The following SPARCL1 variants were observed in gnomAD, a reference collection of about 807,000 sequenced individuals.
The protein encoded by SPARCL1 is SPARC-like protein 1.
SPARCL1 carries 52 observed loss-of-function variants against 67.1 expected under a neutral mutation model. The ratio of observed to expected loss-of-function variants is 0.78; its 90% confidence interval spans 0.62 to 0.98. SPARCL1 has a LOEUF of 0.98. Ranked by LOEUF, SPARCL1 falls within the 50% of genes least tolerant of loss-of-function variation. The pLI is 0.00. For missense variants in SPARCL1, 717 were observed against 782.4 expected (o/e 0.92, Z 1.00); for synonymous variants, 226 against 267.8 (o/e 0.84, Z 1.52).
intron 8 of SPARCL1, 66 bp downstream of exon 8, chr4:87,482,358 C>CA: frequency 6.4e-7 from 1 of 1,554,138 alleles, no homozygotes; most frequent in Non-Finnish European, 8.8e-7. Flanking sequence ...GTAGCCCCCC[C>CA]ACCACGTCTT....
rs543466405 is a variant in SPARCL1, at chr4:87,484,645, G to A, written c.1532-2085C>T. Among the ~76,000 whole-genome samples the A allele has an allele frequency of 2.6e-5, 4 of 152,098 alleles. No individual in the cohort carries two copies. The South Asian group carries it at 8.3e-4, about 32-fold the overall frequency. On this transcript the variant is annotated intron_variant, in intron 7 of 10. Transcript: ENST00000282470. The stretch of plus-strand genomic sequence containing the variant: ...GTCAGTGGTAGCTTGATGGGGATAG[G>A]ATTGAATCTATAAATTACTTTGGGC...
intron 1 of SPARCL1, among the ~76,000 whole-genome samples, chr4:87,513,638 A>C (rs988439644): frequency 6.6e-6 from 1 of 152,078 alleles, no homozygotes; most frequent in African/African-American, 2.4e-5. Context: ...TGTCATCAGT[A>C]ATATCATTAG....
chr4:87,473,781 CAA>C lies in SPARCL1; in HGVS notation c.1987_1988del (p.Leu663ValfsTer38), dbSNP rs776544077. The part of the protein sequence containing the change: ...IKEEDIDENL[L>X]F ...AGTTCTTTAAAATCTTCGTTCAAAA[CAA>C]GAGATTTTCATCTATGTCCTCTATA... On this transcript the variant is annotated frameshift_variant, in exon 11 of 11. Transcript: ENST00000282470. LOFTEE classifies it high-confidence loss of function. 3.1e-6 allele frequency: 5 copies of C among 1,608,924 alleles called. No individual in the cohort carries two copies. The African/African-American group carries it at 5.4e-5, about 17-fold the overall frequency.
chr4:87,494,093 T>C lies in SPARCL1; in HGVS notation c.707A>G (p.Asp236Gly). The part of the protein sequence containing the change: ...REHANSKQEE[D>G]NTQSDDILEE... Reference sequence around the variant, plus strand: ...CAAAATATCATCAGATTGGGTATTGTCTTCCTCCTGCTTGCTGTTAGCATG... The same window carrying C: ...CAAAATATCATCAGATTGGGTATTGCCTTCCTCCTGCTTGCTGTTAGCATG... Residue 236 changes from aspartate (D) to glycine (G), a missense_variant, in exon 4 of 11, where the codon GAC becomes GGC. By Grantham distance (94) the Asp-to-Gly change is moderately conservative. Coordinates refer to ENST00000282470, the MANE Select transcript of SPARCL1 (RefSeq NM_004684.6). 2 of 1,614,002 alleles carry C rather than the reference T, an allele frequency of 1.2e-6. No homozygotes were observed. Among genetic ancestry groups the C allele is most frequent in the South Asian group, 1.1e-5 (1 of 91,078 alleles).
At position 87,479,659 on chromosome 4, in the gene SPARCL1, T is replaced by G. The variant is rs145460552; in HGVS notation, c.1818-81A>C. On this transcript the variant is annotated intron_variant, in intron 9 of 10. Transcript: ENST00000282470. ...ACTCTCAGGCTCACCAAGGACATTT[T>G]TCTCCCATAAGGTTGCTGTATATGT... is the stretch of plus-strand genomic sequence containing the variant. 1,363 of 1,399,950 alleles carry G rather than the reference T, an allele frequency of 9.7e-4. 14 individuals are homozygous for G. In the South Asian group the frequency reaches 0.011, roughly 11 times the overall value. The allele number at this position is 1,399,950 out of a possible 1,614,324, so 86.7% of individuals were successfully genotyped here.
At position 87,494,167 on chromosome 4, in the gene SPARCL1, A is replaced by G. The variant is rs1724502298; in HGVS notation, c.633T>C (p.Val211=). Reference sequence around the variant, plus strand: ...TTTCTTGGTTATCATTGTGGGTACCAACTTCACCTGGCTCTTTTTCTTCTT... The same window carrying G: ...TTTCTTGGTTATCATTGTGGGTACCGACTTCACCTGGCTCTTTTTCTTCTT... ...EEEEEKEPGE[V]GTHNDNQERK... The change falls in exon 4 of 11, where the codon GTT becomes GTC. Residue 211 remains valine (V), a synonymous_variant. Coordinates refer to ENST00000282470, the MANE Select transcript of SPARCL1 (RefSeq NM_004684.6). 6.2e-7 allele frequency: 1 copy of G among 1,613,876 alleles called. No homozygotes were observed. Among genetic ancestry groups the G allele is most frequent in the Non-Finnish European group, 8.5e-7 (1 of 1,180,000 alleles).
chr4:87,499,605 T>C lies in SPARCL1; in HGVS notation c.-11-20A>G. The C allele has an allele frequency of 6.4e-7, 1 of 1,567,818 alleles. No homozygotes were observed. Among genetic ancestry groups the C allele is most frequent in the Non-Finnish European group, 8.6e-7 (1 of 1,158,400 alleles). Reference sequence around the variant, plus strand: ...CCAGATCTGTGAACCAAGAAGATAATTATCAGTGGCAGGGAAAAGTTTCCT... The same window carrying C: ...CCAGATCTGTGAACCAAGAAGATAACTATCAGTGGCAGGGAAAAGTTTCCT... On this transcript the variant is annotated intron_variant, in intron 1 of 10. Transcript: ENST00000282470.
intron 8 of SPARCL1, among the ~76,000 whole-genome samples, chr4:87,480,790 C>T (rs1723788693): frequency 1.4e-5 from 2 of 147,620 alleles, no homozygotes; most frequent in South Asian, 4.3e-4. Flanking sequence ...TATGTTTTGC[C>T]TCTTTCTTTT....
intron 2 of SPARCL1, among the ~76,000 whole-genome samples, chr4:87,498,860 G>A (rs1578104998): frequency 6.9e-6 from 1 of 145,834 alleles, no homozygotes; most frequent in East Asian, 2.0e-4. Context: ...GCTGGAGACC[G>A]TGGATATGCA....
rs1344756385 is a variant in SPARCL1, at chr4:87,490,816, G to T, written c.1354C>A (p.Pro452Thr). The change falls in exon 6 of 11, where the codon CCT becomes ACT. Residue 452 changes from proline (P) to threonine (T), a missense_variant. By Grantham distance (38) the Pro-to-Thr change is conservative (BLOSUM62 -1). Transcript: ENST00000282470. ...ACTGGATCCTGGCAGACACAGTGAG[G>T]TTTTCCCTGTTGGTCTGCCTTACAG... The part of the protein sequence containing the change: ...HICKADQQGK[P>T]HCVCQDPVTC... 1 of 1,612,912 alleles carries T rather than the reference G, an allele frequency of 6.2e-7. No individual in the cohort carries two copies. Among genetic ancestry groups the T allele is most frequent in the South Asian group, 1.1e-5 (1 of 90,760 alleles).
intron 1 of SPARCL1, among the ~76,000 whole-genome samples, chr4:87,518,483 C>A (rs765031533): frequency 9.2e-5 from 14 of 152,192 alleles, no homozygotes; most frequent in Non-Finnish European, 1.3e-4. Flanking sequence ...CTTTTGAAAT[C>A]AATGGCTTCA....
At chr4:87,497,489 T>C (rs1014735696) in intron 2 of SPARCL1, among the ~76,000 whole-genome samples, 5 of 152,258 alleles carry the variant, frequency 3.3e-5, no homozygotes, top group African/African-American at 1.2e-4. Flanking sequence ...TATTCTGCAA[T>C]TGAAATTATG....
chr4:87,528,806 TC>T (rs1726159345), intron 1 of SPARCL1, among the ~76,000 whole-genome samples: 1 of 152,194 alleles, frequency 6.6e-6, no homozygotes, highest in Admixed American at 6.5e-5. Context: ...TTCTTGGTCT[TC>T]ACTAAAATCA....
rs115604154 is a variant in SPARCL1 at position 87,499,389 on chromosome 4, G to C, written c.54+132C>G. The C allele has an allele frequency of 9.4e-3, 7,745 of 821,326 alleles. 62 individuals carry two copies. The highest frequency in any genetic ancestry group is 0.013 in the Non-Finnish European group (6,704 of 520,804). 50.9% of individuals were successfully genotyped at this position (821,326 alleles called of 1,614,324 possible). A position where few individuals can be genotyped will look rare whatever the true frequency, so the allele number is the denominator to read the frequency against. ...TTTCCAGTTATTTGTTTGTTACTTGGGCAATAAAGAATATAATTAAAATAA... is the reference window on the plus strand; with the variant it reads ...TTTCCAGTTATTTGTTTGTTACTTGCGCAATAAAGAATATAATTAAAATAA... On this transcript the variant is annotated intron_variant, in intron 2 of 10. Coordinates refer to ENST00000282470, the MANE Select transcript of SPARCL1 (RefSeq NM_004684.6).
At chr4:87,490,110 T>G (rs1401285166) in intron 7 of SPARCL1, among the ~76,000 whole-genome samples, 163 bp downstream of exon 7, 1 of 152,212 alleles carries the variant, frequency 6.6e-6, no homozygotes, top group Non-Finnish European at 1.5e-5. Context: ...TCTCCTACGG[T>G]TAAGGCCTGA....
rs574278651 is a variant in SPARCL1, at chr4:87,473,616, C to G, written c.*159G>C. 8.1e-3 allele frequency: 3,129 copies of G among 387,686 alleles called. 15 individuals carry two copies. The highest frequency in any genetic ancestry group is 0.012 in the Non-Finnish European group (2,521 of 211,604). 24.0% of individuals were successfully genotyped at this position (387,686 alleles called of 1,614,324 possible). A position where few individuals can be genotyped will look rare whatever the true frequency, so the allele number is the denominator to read the frequency against. ...TGTTTCCAAAGTTAATGTTAAATAC[C>G]TGGTGCATAGGTTGTTGTCAAGCAA... On this transcript the variant is annotated 3_prime_UTR_variant, in exon 11 of 11. Coordinates refer to ENST00000282470, the MANE Select transcript of SPARCL1 (RefSeq NM_004684.6).
In SPARCL1 at chr4:87,499,075, C is replaced by T. The variant is rs540762134; in HGVS notation, c.54+446G>A. ...TTTTTTAGTAGAGACGGGGTTTTGC[C>T]ATGTTGGCCAGGCTGGTCTTGAGCT... On this transcript the variant is annotated intron_variant, in intron 2 of 10. Transcript: ENST00000282470. Among the ~76,000 whole-genome samples, 25 of 152,196 alleles carry T rather than the reference C, an allele frequency of 1.6e-4. 1 individual carries two copies. The highest frequency in any genetic ancestry group is 1.6e-3 in the Admixed American group (25 of 15,284).
chr4:87,478,780 C>T (rs959062002), intron 10 of SPARCL1, among the ~76,000 whole-genome samples: 1 of 152,094 alleles, frequency 6.6e-6, no homozygotes, highest in Admixed American at 6.5e-5. Context: ...TCATAAAATT[C>T]AAGCCTAACT....
At position 87,481,950 on chromosome 4, in the gene SPARCL1, A is replaced by G. The variant is rs114417221; in HGVS notation, c.1668+474T>C. Among the ~76,000 whole-genome samples the G allele has an allele frequency of 6.1e-3, 930 of 152,322 alleles. 11 individuals are homozygous for G. The highest frequency in any genetic ancestry group is 0.021 in the African/African-American group (866 of 41,564). ...ATTTCTGGCACCCAGGATACACTCA[A>G]TAACTATCTGGTGAATGAATTTTCT... On this transcript the variant is annotated intron_variant, in intron 8 of 10. Transcript: ENST00000282470.
Sources: gnomAD v4.1 joint callset for allele counts (sites outside exome capture counted in the v4.1 genomes callset) on GRCh38, gnomAD v4.1.1 for gene constraint, MANE v1.5 for transcripts, NCBI Gene and HGNC (gene_info 2026-07-23, HGNC 2026-07-21) for gene names.